The following SNX24 variants were observed in gnomAD, a reference collection of about 807,000 sequenced individuals.
SNX24 encodes the protein sorting nexin-24.
In SNX24, 22 loss-of-function variants were observed where a neutral mutation model predicts 28.7. The ratio of observed to expected loss-of-function variants is 0.77; its 90% confidence interval spans 0.55 to 1.10. SNX24 has a LOEUF of 1.10. Ranked by LOEUF, SNX24 falls within the 50% of genes least tolerant of loss-of-function variation. SNX24 has a pLI of 0.00. For synonymous variants in SNX24, 69 were observed against 71.5 expected (o/e 0.96, Z 0.18); for missense variants, 221 against 201.1 (o/e 1.10, Z -0.60).
chr5:122,984,048 A>G (rs1291686846), intron 3 of SNX24, among the ~76,000 whole-genome samples: 3 of 152,210 alleles, frequency 2.0e-5, no homozygotes, highest in Admixed American at 6.5e-5. Flanking sequence ...TAATTAGTGA[A>G]GAAATGCCTA....
intron 3 of SNX24, among the ~76,000 whole-genome samples, chr5:122,976,721 A>G (rs1040642964): frequency 2.0e-5 from 3 of 152,238 alleles, no homozygotes; most frequent in South Asian, 2.1e-4. Flanking sequence ...CAAAGATTAC[A>G]CTGCTGAGGG....
Position 123,008,556 on chromosome 5 carries a change from T to TAA in SNX24, c.*824_*825dup, listed in dbSNP as rs11407516. On this transcript the variant is annotated 3_prime_UTR_variant, in exon 7 of 7. Transcript: ENST00000261369. ...GGTGTTTGTTTAGGGGCCATTTTGT[T>TAA]AAAAAAAAAAAAAAAAAAGCACATA... 4,304 of 136,726 alleles carry TAA rather than the reference T, an allele frequency of 0.031. 136 individuals carry two copies. Among genetic ancestry groups the TAA allele is most frequent in the African/African-American group, 0.079 (2,938 of 37,232 alleles). The allele number at this position is 136,726 out of a possible 1,614,324, so 8.5% of individuals were successfully genotyped here. A position where few individuals can be genotyped will look rare whatever the true frequency, so the allele number is the denominator to read the frequency against.
rs1238329990 is a variant in SNX24 at position 122,945,505 on chromosome 5, T to C, written c.145-550T>C. 4.6e-5 allele frequency among the ~76,000 whole-genome samples: 7 copies of C among 152,316 alleles called. No individual in the cohort carries two copies. The East Asian group carries it at 1.4e-3, about 29-fold the overall frequency. Reference sequence around the variant, plus strand: ...GGCTTAGCTGAGAACTATCATTCAGTTTTCATGAATGGAGTTGGAAAGTAA... The same window carrying C: ...GGCTTAGCTGAGAACTATCATTCAGCTTTCATGAATGGAGTTGGAAAGTAA... On this transcript the variant is annotated intron_variant, in intron 2 of 6. Coordinates refer to ENST00000261369, the MANE Select transcript of SNX24 (RefSeq NM_014035.4).
At chr5:122,944,796 T>G (rs1330089982) in intron 2 of SNX24, among the ~76,000 whole-genome samples, 1 of 152,192 alleles carries the variant, frequency 6.6e-6, no homozygotes. Context: ...ATGGAAAGAA[T>G]TTTTTACTAT....
intron 3 of SNX24, among the ~76,000 whole-genome samples, chr5:122,983,923 A>G (rs929925346): frequency 2.0e-5 from 3 of 152,216 alleles, no homozygotes; most frequent in African/African-American, 7.2e-5. Context: ...CTAAATATTC[A>G]TATTATTGTG....
chr5:122,936,675 A>T, intron 1 of SNX24, 59 bp from the exon 2 acceptor site: 2 of 989,146 alleles, frequency 2.0e-6, no homozygotes, highest in Non-Finnish European at 3.2e-6. Context: ...CAAACTTACC[A>T]CATCAGACAA....
chr5:122,906,734 C>T (rs1404540013), intron 1 of SNX24, among the ~76,000 whole-genome samples: 1 of 152,200 alleles, frequency 6.6e-6, no homozygotes, highest in Non-Finnish European at 1.5e-5. Flanking sequence ...TCTTGAACCC[C>T]TGACCTCAGG....
intron 1 of SNX24, among the ~76,000 whole-genome samples, chr5:122,846,385 C>G (rs1331900816): frequency 6.6e-6 from 1 of 151,984 alleles, no homozygotes; most frequent in African/African-American, 2.4e-5. Flanking sequence ...TGGAGATTTC[C>G]CAATGAATTC....
intron 2 of SNX24, among the ~76,000 whole-genome samples, chr5:122,938,367 T>C (rs1039717730): frequency 1.3e-5 from 2 of 152,232 alleles, no homozygotes; most frequent in African/African-American, 4.8e-5. Flanking sequence ...TGCAGCTCTA[T>C]TAATAATTTT....
At chr5:122,920,135 G>A (rs980080599) in intron 1 of SNX24, among the ~76,000 whole-genome samples, 1 of 152,166 alleles carries the variant, frequency 6.6e-6, no homozygotes, top group Non-Finnish European at 1.5e-5. Context: ...GGAGAGAGAG[G>A]TGTGAAAAGT....
At chr5:122,936,146 G>A (rs1759169027) in intron 1 of SNX24, among the ~76,000 whole-genome samples, 1 of 152,212 alleles carries the variant, frequency 6.6e-6, no homozygotes, top group South Asian at 2.1e-4. Context: ...GGAGCTAGGA[G>A]CACAAGCTGT....
intron 3 of SNX24, among the ~76,000 whole-genome samples, chr5:122,983,675 C>G (rs1273161732): frequency 6.6e-6 from 1 of 152,198 alleles, no homozygotes; most frequent in Admixed American, 6.5e-5. Context: ...AAGATCATAG[C>G]TCACTGTAGC....
chr5:122,979,487 C>G lies in SNX24; in HGVS notation c.250-20425C>G, dbSNP rs144301049. Among the ~76,000 whole-genome samples, 506 of 152,118 alleles carry G rather than the reference C, an allele frequency of 3.3e-3. 3 individuals are homozygous for G. Among genetic ancestry groups the G allele is most frequent in the African/African-American group, 0.012 (482 of 41,502 alleles). On this transcript the variant is annotated intron_variant, in intron 3 of 6. Coordinates refer to ENST00000261369, the MANE Select transcript of SNX24 (RefSeq NM_014035.4). ...GGGCTTATGAGCCCACCCCCAAATC[C>G]TAAAGAAAAAAATTTTGTTTGGAAA...
intron 3 of SNX24, among the ~76,000 whole-genome samples, chr5:122,952,990 G>T (rs1395502488): frequency 6.6e-6 from 1 of 152,182 alleles, no homozygotes; most frequent in East Asian, 1.9e-4. Context: ...ACACAAGTAG[G>T]AAAGGGAATA....
intron 1 of SNX24, among the ~76,000 whole-genome samples, chr5:122,931,419 C>A (rs1285307015): frequency 6.6e-6 from 1 of 152,066 alleles, no homozygotes; most frequent in Non-Finnish European, 1.5e-5. Flanking sequence ...TGAATTAATA[C>A]CCTGCTGAGC....
chr5:122,989,391 A>G (rs947686372), intron 3 of SNX24, among the ~76,000 whole-genome samples: 11 of 152,106 alleles, frequency 7.2e-5, no homozygotes, highest in Admixed American at 5.2e-4. Flanking sequence ...AAAGGGGTGG[A>G]GAAATGAGCA....
intron 1 of SNX24, among the ~76,000 whole-genome samples, chr5:122,866,661 G>C (rs1755734485): frequency 6.6e-6 from 1 of 152,068 alleles, no homozygotes; most frequent in Non-Finnish European, 1.5e-5. Context: ...TATGCTTGAA[G>C]GGATCTGCCA....
At chr5:122,923,744 A>G (rs1359865402) in intron 1 of SNX24, among the ~76,000 whole-genome samples, 1 of 152,190 alleles carries the variant, frequency 6.6e-6, no homozygotes, top group Non-Finnish European at 1.5e-5. Flanking sequence ...ACACAGGTGA[A>G]TCTTGGATCT....
chr5:122,880,691 G>T (rs1039537889), intron 1 of SNX24, among the ~76,000 whole-genome samples: 1 of 152,180 alleles, frequency 6.6e-6, no homozygotes, highest in South Asian at 2.1e-4. Flanking sequence ...GACCTTGCTT[G>T]TTCACAAAAG....
Sources: gnomAD v4.1 joint callset for allele counts (sites outside exome capture counted in the v4.1 genomes callset) on GRCh38, gnomAD v4.1.1 for gene constraint, MANE v1.5 for transcripts, NCBI Gene and HGNC (gene_info 2026-07-23, HGNC 2026-07-21) for gene names.